Variants in DPP10 observed in about 807,000 individuals in gnomAD.
The protein encoded by DPP10 is dipeptidyl peptidase like 10.
A neutral mutation model predicts 120.9 loss-of-function variants in DPP10; 33 were observed. The observed-to-expected ratio is 0.27, with a 90% CI of 0.21 to 0.37. DPP10 has a LOEUF of 0.37. Among genes scored for constraint, DPP10 ranks in the 10% least tolerant of loss-of-function variants. The pLI, the probability that DPP10 is intolerant of heterozygous loss-of-function variation, is 1.00. For missense variants in DPP10, 816 were observed against 942.8 expected (o/e 0.87, Z 1.76); for synonymous variants, 337 against 326.1 (o/e 1.03, Z -0.36).
chr2:114,964,167 A>G (rs1299006490), intron 1 of DPP10, among the ~76,000 whole-genome samples: 1 of 152,236 alleles, frequency 6.6e-6, no homozygotes, highest in Non-Finnish European at 1.5e-5. Context: ...AAATGTGACT[A>G]TGAACATAAA....
rs935062363 is a variant in DPP10, at chr2:114,894,535, G to GTTTA, written c.61-414688_61-414685dup. Among the ~76,000 whole-genome samples, 10 of 152,060 alleles carry GTTTA rather than the reference G, an allele frequency of 6.6e-5. No individual in the cohort carries two copies. In the East Asian group the frequency reaches 1.3e-3, roughly 20 times the overall value. ...AACAATATTCATTGGAATATTAAAT[G>GTTTA]TTTATTTATTTATTTATTTTTGTCT... On this transcript the variant is annotated intron_variant, in intron 1 of 25. Transcript: ENST00000410059.
intron 1 of DPP10, among the ~76,000 whole-genome samples, chr2:115,195,506 C>G (rs2055195180): frequency 1.3e-5 from 2 of 152,204 alleles, no homozygotes; most frequent in Admixed American, 6.5e-5. Context: ...CAGACATATT[C>G]ACACTCTCAA....
intron 1 of DPP10, among the ~76,000 whole-genome samples, chr2:114,593,816 GCT>G (rs1691658946): frequency 2.6e-5 from 4 of 152,044 alleles, no homozygotes; most frequent in Non-Finnish European, 5.9e-5. Flanking sequence ...TCCTCTCCAA[GCT>G]CCCTTCCTTC....
intron 1 of DPP10, among the ~76,000 whole-genome samples, chr2:114,965,935 C>T (rs1466587493): frequency 8.0e-6 from 1 of 125,434 alleles, no homozygotes; most frequent in Non-Finnish European, 1.6e-5. Flanking sequence ...CACTGCACTC[C>T]AGCTTGGGCG....
At chr2:115,596,538 C>T (rs2083000068) in intron 5 of DPP10, among the ~76,000 whole-genome samples, 1 of 152,120 alleles carries the variant, frequency 6.6e-6, no homozygotes, top group Non-Finnish European at 1.5e-5. Flanking sequence ...CAAAGTTTCT[C>T]TCCAGTATTT....
At chr2:114,836,098 A>C (rs1366032780) in intron 1 of DPP10, among the ~76,000 whole-genome samples, 3 of 152,028 alleles carry the variant, frequency 2.0e-5, no homozygotes, top group Admixed American at 2.0e-4. Flanking sequence ...CTTTCTCCTT[A>C]ACTCTCTGGC....
intron 1 of DPP10, among the ~76,000 whole-genome samples, chr2:115,091,559 T>A (rs908455787): frequency 6.6e-6 from 1 of 152,150 alleles, no homozygotes; most frequent in Non-Finnish European, 1.5e-5. Context: ...TGTGTCTATA[T>A]GTTTAGTGAC....
At position 115,456,596 on chromosome 2, in the gene DPP10, C is replaced by G. The variant is rs529182417; in HGVS notation, c.272-42914C>G. ...CAATGATAGACTGGATAAAGAAAAT[C>G]TGGCCCATATACACCATGGAATACT... On this transcript the variant is annotated intron_variant, in intron 3 of 25. Transcript: ENST00000410059. Among the ~76,000 whole-genome samples, 26 of 152,156 alleles carry G rather than the reference C, an allele frequency of 1.7e-4. No homozygotes were observed. In the East Asian group the frequency reaches 1.9e-3, roughly 11 times the overall value.
chr2:115,334,230 G>GTTTTTTTTT lies in DPP10; in HGVS notation c.176-9579_176-9571dup. 2.2e-3 allele frequency among the ~76,000 whole-genome samples: 124 copies of GTTTTTTTTT among 56,400 alleles called. 18 individuals are homozygous for GTTTTTTTTT. Among genetic ancestry groups the GTTTTTTTTT allele is most frequent in the South Asian group, 0.013 (18 of 1,338 alleles). 37.0% of individuals were successfully genotyped at this position (56,400 alleles called of 152,430 possible). A position where few individuals can be genotyped will look rare whatever the true frequency, so the allele number is the denominator to read the frequency against. Reference sequence around the variant, plus strand: ...TCAGGAATGGACCAGAGCAGACTCTGTTTTTTTTTTTTTTTTAAGAAACCT... The same window carrying GTTTTTTTTT: ...TCAGGAATGGACCAGAGCAGACTCTGTTTTTTTTTTTTTTTTTTTTTTTTTAAGAAACCT... On this transcript the variant is annotated intron_variant, in intron 2 of 25. Coordinates refer to ENST00000410059, the MANE Select transcript of DPP10 (RefSeq NM_020868.6).
At position 114,637,230 on chromosome 2, in the gene DPP10, G is replaced by A. The variant is rs191121284; in HGVS notation, c.60+194392G>A. On this transcript the variant is annotated intron_variant, in intron 1 of 25. Transcript: ENST00000410059. ...AGTATAATATAAATAATTATATTTC[G>A]TTAATGCTTTTTACCACATAGGTGA... is the stretch of plus-strand genomic sequence containing the variant. 2.5e-3 allele frequency among the ~76,000 whole-genome samples: 374 copies of A among 151,892 alleles called. 10 individuals are homozygous for A. The highest frequency in any genetic ancestry group is 0.024 in the Middle Eastern group (7 of 294).
chr2:115,502,487 C>T (rs1490351141), intron 4 of DPP10, among the ~76,000 whole-genome samples: 3 of 152,090 alleles, frequency 2.0e-5, no homozygotes, highest in Non-Finnish European at 4.4e-5. Context: ...AAAGCTCAGT[C>T]ACAATGTCAT....
At chr2:115,193,821 C>T (rs950244657) in intron 1 of DPP10, among the ~76,000 whole-genome samples, 4 of 151,950 alleles carry the variant, frequency 2.6e-5, no homozygotes, top group African/African-American at 7.3e-5. Flanking sequence ...TGTCTTTTTC[C>T]CTCAATCACC....
intron 1 of DPP10, among the ~76,000 whole-genome samples, chr2:114,588,689 AATC>A (rs1300815839): frequency 9.2e-5 from 14 of 152,200 alleles, no homozygotes; most frequent in African/African-American, 2.9e-4. Flanking sequence ...CAATTATCAT[AATC>A]ATATTTAATT....
chr2:115,762,127 GC>G lies in DPP10; in HGVS notation c.1075-443del, dbSNP rs1680186126. On this transcript the variant is annotated intron_variant, in intron 11 of 25. Coordinates refer to ENST00000410059, the MANE Select transcript of DPP10 (RefSeq NM_020868.6). Reference sequence around the variant, plus strand: ...TTACTACTGATAAGAAAAAAAGAAGGCCATGATTATGAGTGAATTGAATATT... The same window carrying G: ...TTACTACTGATAAGAAAAAAAGAAGGCATGATTATGAGTGAATTGAATATT... Among the ~76,000 whole-genome samples the G allele has an allele frequency of 2.0e-5, 3 of 152,244 alleles. No homozygotes were observed. The South Asian group carries it at 6.2e-4, about 32-fold the overall frequency.
At chr2:114,650,401 T>G (rs1696494125) in intron 1 of DPP10, among the ~76,000 whole-genome samples, 1 of 152,168 alleles carries the variant, frequency 6.6e-6, no homozygotes, top group Admixed American at 6.5e-5. Flanking sequence ...GTCCAGGAGA[T>G]AATTTTAAAT....
intron 5 of DPP10, among the ~76,000 whole-genome samples, chr2:115,632,672 A>G (rs867963722): frequency 1.1e-3 from 168 of 152,332 alleles, no homozygotes; most frequent in African/African-American, 3.9e-3. Context: ...AATTTTTACA[A>G]TCTACCCATC....
rs1415242109 is a variant in DPP10 at position 115,534,886 on chromosome 2, G to GT, written c.441+8920dup. ...AGTGATGGTGAGCGTTTTTTCATGT[G>GT]TTTTTTGACTGCATAAATGTCTTCT... On this transcript the variant is annotated intron_variant, in intron 5 of 25. Coordinates refer to ENST00000410059, the MANE Select transcript of DPP10 (RefSeq NM_020868.6). Among the ~76,000 whole-genome samples, 10 of 152,178 alleles carry GT rather than the reference G, an allele frequency of 6.6e-5. No homozygotes were observed. In the South Asian group the frequency reaches 1.9e-3, roughly 28 times the overall value.
chr2:115,415,775 G>T, intron 3 of DPP10, among the ~76,000 whole-genome samples: 2 of 139,998 alleles, frequency 1.4e-5, no homozygotes, highest in African/African-American at 2.6e-5. Flanking sequence ...ACGATTCTTG[G>T]CTTTATATCA....
intron 1 of DPP10, among the ~76,000 whole-genome samples, chr2:114,872,746 T>G (rs763818011): frequency 2.6e-5 from 4 of 152,106 alleles, no homozygotes; most frequent in Non-Finnish European, 5.9e-5. Flanking sequence ...CTAGCCAAAA[T>G]GGGTATAGAA....
Sources: allele counts gnomAD v4.1 joint callset (sites outside exome capture counted in the v4.1 genomes callset), GRCh38; gene constraint gnomAD v4.1.1; transcripts MANE v1.5; gene names NCBI Gene and HGNC (gene_info 2026-07-23, HGNC 2026-07-21).